The following OR10G7 variants were observed in gnomAD, a reference collection of about 807,000 sequenced individuals.
The protein encoded by OR10G7 is olfactory receptor 10G7.
For synonymous variants in OR10G7, 165 were observed against 167.4 expected, an observed-to-expected ratio of 0.99 and a Z score of 0.11; for missense variants, 338 against 382.1, an observed-to-expected ratio of 0.88 and a Z score of 0.96.
In OR10G7 at chr11:124,040,969, T is replaced by C. The variant is rs1020996339; in HGVS notation, c.-104A>G. 6.6e-6 allele frequency: 1 copy of C among 152,190 alleles called. No individual in the cohort carries two copies. The highest frequency in any genetic ancestry group is 6.5e-5 in the Admixed American group (1 of 15,284). The allele number at this position is 152,190 out of a possible 1,614,324, so 9.4% of individuals were successfully genotyped here. A position where few individuals can be genotyped will look rare whatever the true frequency, so the allele number is the denominator to read the frequency against. ...AGTTCTTGATAAGTGGTATAATTTTTCTTTTCTTGCAAAGATGAAACCACA... is the reference window on the plus strand; with the variant it reads ...AGTTCTTGATAAGTGGTATAATTTTCCTTTTCTTGCAAAGATGAAACCACA... On this transcript the variant is annotated 5_prime_UTR_variant, in exon 1 of 2. Coordinates refer to ENST00000641585, the MANE Select transcript of OR10G7 (RefSeq NM_001004463.2).
Position 124,037,982 on chromosome 11 carries a change from C to T in OR10G7, c.*84G>A, listed in dbSNP as rs192965937. 2.4e-6 allele frequency: 2 copies of T among 848,604 alleles called. No individual in the cohort carries two copies. Among genetic ancestry groups the T allele is most frequent in the African/African-American group, 3.4e-5 (2 of 58,552 alleles). 52.6% of individuals were successfully genotyped at this position (848,604 alleles called of 1,614,324 possible). On this transcript the variant is annotated 3_prime_UTR_variant, in exon 2 of 2. Transcript: ENST00000641585. ...ATTAAGACTGAATAATTGAAATGCT[C>T]CATTCAAGTATAATGCTTATGTTGA...
At chr11:124,039,595 A>G (rs1160966257) in intron 1 of OR10G7, among the ~76,000 whole-genome samples, 2 of 152,180 alleles carry the variant, frequency 1.3e-5, no homozygotes, top group African/African-American at 4.8e-5. Context: ...GAACTAAGGC[A>G]GGATTCCAGC....
At position 124,038,581 on chromosome 11, in the gene OR10G7, C is replaced by T; in HGVS notation, c.421G>A (p.Ala141Thr). The T allele has an allele frequency of 6.2e-7, 1 of 1,613,822 alleles. No individual in the cohort carries two copies. The highest frequency in any genetic ancestry group is 8.5e-7 in the Non-Finnish European group (1 of 1,179,908). Residue 141 changes from alanine (A) to threonine (T), a missense_variant, in exon 2 of 2, where the codon GCC (alanine) becomes ACC (threonine). Ala to Thr is a moderately conservative substitution (Grantham distance 58). Transcript: ENST00000641585. ...YTNMMTGRSC[A>T]LLATGTWLSG... is the part of the protein sequence containing the mutation. ...AGCCAAGTGCCGGTGGCCAGGAGGG[C>T]ACACGAGCGCCCAGTCATCATGTTG... is the stretch of plus-strand genomic sequence containing the variant.
At position 124,039,244 on chromosome 11, in the gene OR10G7, G is replaced by T. The variant is rs113449783; in HGVS notation, c.-20-223C>A. 2.9e-3 allele frequency among the ~76,000 whole-genome samples: 444 copies of T among 152,114 alleles called. 4 individuals carry two copies. The highest frequency in any genetic ancestry group is 0.01 in the African/African-American group (421 of 41,438). ...AGAGGAGGAAATTAACATAAAATCA[G>T]CCAAATTTTGAAAAGAAGAACAAAT... On this transcript the variant is annotated intron_variant, in intron 1 of 1. Transcript: ENST00000641585.
chr11:124,039,896 C>G (rs1864229506), intron 1 of OR10G7, among the ~76,000 whole-genome samples: 1 of 152,110 alleles, frequency 6.6e-6, no homozygotes, highest in Non-Finnish European at 1.5e-5. Context: ...TCCTCCCCCT[C>G]CCCACCCCAG....
Position 124,038,499 on chromosome 11 carries a change from C to G in OR10G7, c.503G>C (p.Cys168Ser). The change falls in exon 2 of 2, where the codon TGT becomes TCT. Residue 168 changes from cysteine (C) to serine (S), a missense_variant. Cys to Ser is a moderately radical substitution (Grantham distance 112). Coordinates refer to ENST00000641585, the MANE Select transcript of OR10G7 (RefSeq NM_001004463.2). ...QTILTFHLPY[C>S]GPNQIQHYFC... The stretch of plus-strand genomic sequence containing the variant: ...GTAGTGCTGGATCTGGTTGGGTCCA[C>G]AGTAGGGCAAATGGAAAGTCAATAT... The G allele has an allele frequency of 6.2e-7, 1 of 1,613,758 alleles. No individual in the cohort carries two copies.
intron 1 of OR10G7, among the ~76,000 whole-genome samples, chr11:124,039,465 T>G (rs1349806231): frequency 6.6e-6 from 1 of 152,000 alleles, no homozygotes; most frequent in Non-Finnish European, 1.5e-5. Context: ...CTTTCACACA[T>G]ACAGGTTCAG....
Position 124,038,322 on chromosome 11 carries a change from A to T in OR10G7, c.680T>A (p.Ile227Asn), listed in dbSNP as rs571498330. The T allele has an allele frequency of 1.9e-6, 3 of 1,614,154 alleles. No individual in the cohort carries two copies. The African/African-American group carries it at 4.0e-5, about 22-fold the overall frequency. ...TCTGTGCCTCCCCTCTGAGGTGCGG[A>T]TCCGCAGGATGGAACAGACGATGGA... ...YVSIVCSILR[I>N]RTSEGRHRAF... The change falls in exon 2 of 2, where the codon ATC becomes AAC. Residue 227 changes from isoleucine to asparagine, a missense_variant. Physicochemically the swap from Ile to Asn is moderately radical, Grantham distance 149. Transcript: ENST00000641585.
chr11:124,038,382 G>C lies in OR10G7; in HGVS notation c.620C>G (p.Ser207Trp). The change falls in exon 2 of 2, where the codon TCG becomes TGG. Residue 207 changes from serine (S) to tryptophan (W), a missense_variant. Coordinates refer to ENST00000641585, the MANE Select transcript of OR10G7 (RefSeq NM_001004463.2). ...CAGCACTATCAGGACAAAGCAGCCC[G>C]AGGCCACTAGCCCAATATTCACAAA... is the stretch of plus-strand genomic sequence containing the variant. Reference protein sequence around the residue: ...VIFVNIGLVASGCFVLIVLSY... With the variant: ...VIFVNIGLVAWGCFVLIVLSY... 1.2e-6 allele frequency: 2 copies of C among 1,614,116 alleles called. No individual in the cohort carries two copies. Among genetic ancestry groups the C allele is most frequent in the Non-Finnish European group, 8.5e-7 (1 of 1,180,022 alleles).
At position 124,038,324 on chromosome 11, in the gene OR10G7, C is replaced by G. The variant is rs538806093; in HGVS notation, c.678G>C (p.Arg226=). Residue 226 remains arginine, a synonymous_variant, in exon 2 of 2, where the codon CGG becomes CGC. Transcript: ENST00000641585. Reference sequence around the variant, plus strand: ...TGTGCCTCCCCTCTGAGGTGCGGATCCGCAGGATGGAACAGACGATGGACA... The same window carrying G: ...TGTGCCTCCCCTCTGAGGTGCGGATGCGCAGGATGGAACAGACGATGGACA... The part of the protein sequence containing the change: ...SYVSIVCSIL[R]IRTSEGRHRA... The G allele has an allele frequency of 6.2e-6, 10 of 1,614,132 alleles. No individual in the cohort carries two copies. The East Asian group carries it at 2.2e-4, about 36-fold the overall frequency.
rs964593035 is a variant in OR10G7, at chr11:124,036,855, G to C, written c.*1211C>G. ...TCAATATCACCGCACAGTTTACTTG[G>C]AGCAAGATATGGAAAGTTGGCACAA... On this transcript the variant is annotated 3_prime_UTR_variant, in exon 2 of 2. Coordinates refer to ENST00000641585, the MANE Select transcript of OR10G7 (RefSeq NM_001004463.2). 9.2e-5 allele frequency: 14 copies of C among 152,104 alleles called. No individual in the cohort carries two copies. The highest frequency in any genetic ancestry group is 3.4e-4 in the African/African-American group (14 of 41,440). 9.4% of individuals were successfully genotyped at this position (152,104 alleles called of 1,614,324 possible). A position where few individuals can be genotyped will look rare whatever the true frequency, so the allele number is the denominator to read the frequency against.
chr11:124,040,294 A>G (rs1864232098), intron 1 of OR10G7, among the ~76,000 whole-genome samples: 1 of 152,096 alleles, frequency 6.6e-6, no homozygotes. Context: ...AGTTATTACA[A>G]AAATACAAAT....
chr11:124,038,204 G>A lies in OR10G7; in HGVS notation c.798C>T (p.Ala266=). 1 of 1,614,038 alleles carries A rather than the reference G, an allele frequency of 6.2e-7. No individual in the cohort carries two copies. Among genetic ancestry groups the A allele is most frequent in the East Asian group, 2.2e-5 (1 of 44,866 alleles). Residue 266 remains alanine, a synonymous_variant, in exon 2 of 2, where the codon GCC becomes GCT. Transcript: ENST00000641585. The part of the protein sequence containing the change: ...FIYLRPGSRD[A]LHGVVAVFYT... ...AGAAAACGGCCACAACCCCATGCAA[G>A]GCGTCCCTGGAGCCTGGCCTCAGGT...
In OR10G7 at chr11:124,037,024, A is replaced by C. The variant is rs1319970942; in HGVS notation, c.*1042T>G. The C allele has an allele frequency of 6.6e-6, 1 of 152,178 alleles. No homozygotes were observed. Among genetic ancestry groups the C allele is most frequent in the Non-Finnish European group, 1.5e-5 (1 of 68,030 alleles). The allele number at this position is 152,178 out of a possible 1,614,324, so 9.4% of individuals were successfully genotyped here. A position where few individuals can be genotyped will look rare whatever the true frequency, so the allele number is the denominator to read the frequency against. The stretch of plus-strand genomic sequence containing the variant: ...TAGGCAGAGTTGGCATGACCAGGAT[A>C]CCTGTGGTATTTAAATTAAACATTT... On this transcript the variant is annotated 3_prime_UTR_variant, in exon 2 of 2. Transcript: ENST00000641585.
intron 1 of OR10G7, among the ~76,000 whole-genome samples, 164 bp downstream of exon 1, chr11:124,040,722 G>A (rs1325166263): frequency 6.6e-6 from 1 of 152,070 alleles, no homozygotes; most frequent in African/African-American, 2.4e-5. Flanking sequence ...ACCACAAAAA[G>A]TTGGCTCTGT....
chr11:124,039,857 G>T (rs1157315504), intron 1 of OR10G7, among the ~76,000 whole-genome samples: 2 of 152,140 alleles, frequency 1.3e-5, no homozygotes, highest in East Asian at 3.8e-4. Context: ...AATCTAGGTT[G>T]TGTGGTCCTT....
chr11:124,039,091 A>G (rs1864223783), intron 1 of OR10G7, 70 bp from the exon 2 acceptor site: 1 of 1,408,974 alleles, frequency 7.1e-7, no homozygotes, highest in South Asian at 1.4e-5. Context: ...TGGCAACTAT[A>G]TTTTTCTGAT....
rs768066719 is a variant in OR10G7, at chr11:124,038,352, T to A, written c.650A>T (p.Tyr217Phe). The A allele has an allele frequency of 6.2e-7, 1 of 1,613,970 alleles. No homozygotes were observed. The highest frequency in any genetic ancestry group is 8.5e-7 in the Non-Finnish European group (1 of 1,180,028). Reference protein sequence around the residue: ...SGCFVLIVLSYVSIVCSILRI... With the variant: ...SGCFVLIVLSFVSIVCSILRI... ...CAGGATGGAACAGACGATGGACACA[T>A]AGGACAGCACTATCAGGACAAAGCA... Residue 217 changes from tyrosine to phenylalanine, a missense_variant, in exon 2 of 2, where the codon TAT (tyrosine) becomes TTT (phenylalanine). Physicochemically the swap from Tyr to Phe is conservative, Grantham distance 22. Coordinates refer to ENST00000641585, the MANE Select transcript of OR10G7 (RefSeq NM_001004463.2).
Position 124,037,965 on chromosome 11 carries a change from T to C in OR10G7, c.*101A>G. On this transcript the variant is annotated 3_prime_UTR_variant, in exon 2 of 2. Coordinates refer to ENST00000641585, the MANE Select transcript of OR10G7 (RefSeq NM_001004463.2). ...TAACTGTCCAATTAAAAATTAAGACTGAATAATTGAAATGCTCCATTCAAG... is the reference window on the plus strand; with the variant it reads ...TAACTGTCCAATTAAAAATTAAGACCGAATAATTGAAATGCTCCATTCAAG... 2 of 759,246 alleles carry C rather than the reference T, an allele frequency of 2.6e-6. No individual in the cohort carries two copies. Among genetic ancestry groups the C allele is most frequent in the Non-Finnish European group, 4.0e-6 (2 of 494,074 alleles). The allele number at this position is 759,246 out of a possible 1,614,324, so 47.0% of individuals were successfully genotyped here. A position where few individuals can be genotyped will look rare whatever the true frequency, so the allele number is the denominator to read the frequency against.
Sources: gnomAD v4.1 joint callset for allele counts (sites outside exome capture counted in the v4.1 genomes callset) on GRCh38, gnomAD v4.1.1 for gene constraint, MANE v1.5 for transcripts, NCBI Gene and HGNC (gene_info 2026-07-23, HGNC 2026-07-21) for gene names.